The following PHAF1 variants were observed in gnomAD, a reference collection of about 807,000 sequenced individuals.
The protein encoded by PHAF1 is phagophore assembly factor 1, also known as phagosome assembly factor 1.
PHAF1 carries 23 observed loss-of-function variants against 63.1 expected under a neutral mutation model. That is an observed-to-expected ratio of 0.36 (90% CI 0.26 to 0.52). PHAF1 has a LOEUF of 0.52. Among genes scored for constraint, PHAF1 ranks in the 20% least tolerant of loss-of-function variants. The pLI, the probability that PHAF1 is intolerant of heterozygous loss-of-function variation, is 0.93. For synonymous variants in PHAF1, 167 were observed against 185.0 expected (o/e 0.90, Z 0.79); for missense variants, 427 against 517.2 (o/e 0.83, Z 1.69).
intron 3 of PHAF1, among the ~76,000 whole-genome samples, chr16:67,129,221 CT>C (rs1963301996): frequency 2.6e-5 from 4 of 152,268 alleles, no homozygotes; most frequent in Admixed American, 2.0e-4. Flanking sequence ...CCTCCTGGCA[CT>C]TCTTTTCATG....
rs531571223 is a variant in PHAF1 at position 67,147,327 on chromosome 16, G to C, written c.*196G>C. The stretch of plus-strand genomic sequence containing the variant: ...CCAGATATTCTTCTGTCCATCTTTG[G>C]CCTGCTGGTGCCAGCAGGGGACACA... On this transcript the variant is annotated 3_prime_UTR_variant, in exon 16 of 16. Transcript: ENST00000219139. 8 of 558,624 alleles carry C rather than the reference G, an allele frequency of 1.4e-5. No individual in the cohort carries two copies. In the South Asian group the frequency reaches 2.0e-4, roughly 14 times the overall value. 34.6% of individuals were successfully genotyped at this position (558,624 alleles called of 1,614,324 possible).
intron 9 of PHAF1, among the ~76,000 whole-genome samples, 164 bp downstream of exon 9, chr16:67,140,281 T>G (rs567201793): frequency 1.3e-5 from 2 of 152,326 alleles, no homozygotes; most frequent in African/African-American, 4.8e-5. Context: ...TTACCCTGAC[T>G]CTGTCCCTCT....
intron 1 of PHAF1, among the ~76,000 whole-genome samples, chr16:67,112,937 C>T (rs994663913): frequency 6.6e-6 from 1 of 152,156 alleles, no homozygotes; most frequent in Non-Finnish European, 1.5e-5. Context: ...ACCCTGAACA[C>T]GTCCAAACTA....
chr16:67,136,841 A>T (rs1217423976), intron 8 of PHAF1, among the ~76,000 whole-genome samples: 3 of 151,594 alleles, frequency 2.0e-5, no homozygotes, highest in African/African-American at 7.3e-5. Flanking sequence ...TCAGCCTCCC[A>T]AATGGTTCTT....
Position 67,110,185 on chromosome 16 carries a change from C to T in PHAF1, c.10C>T (p.Leu4=). The T allele has an allele frequency of 6.4e-7, 1 of 1,552,614 alleles. No individual in the cohort carries two copies. The highest frequency in any genetic ancestry group is 8.7e-7 in the Non-Finnish European group (1 of 1,147,672). ...CAGGCGAGCCGAACCAATGCTGGACCTGGAGGTAGTGCCCGAACGCTCTCT... is the reference window on the plus strand; with the variant it reads ...CAGGCGAGCCGAACCAATGCTGGACTTGGAGGTAGTGCCCGAACGCTCTCT... MLD[L]EVVPERSLGN... is the part of the protein sequence containing the mutation. Residue 4 remains leucine (L), a synonymous_variant, in exon 1 of 16, where the codon CTG becomes TTG. Transcript: ENST00000219139.
chr16:67,119,713 A>T (rs560439829), intron 1 of PHAF1, among the ~76,000 whole-genome samples: 119 of 139,274 alleles, frequency 8.5e-4, no homozygotes, highest in African/African-American at 3.2e-3. Flanking sequence ...TTTTTAGTAG[A>T]GTCAGAGTTT....
chr16:67,120,646 A>T (rs74519192), intron 2 of PHAF1, among the ~76,000 whole-genome samples: 1 of 151,030 alleles, frequency 6.6e-6, no homozygotes, highest in Non-Finnish European at 1.5e-5. Flanking sequence ...TCACCCCTTT[A>T]TCTCTCTCAA....
intron 10 of PHAF1, among the ~76,000 whole-genome samples, 153 bp from the exon 11 acceptor site, chr16:67,144,141 G>C (rs530620305): frequency 6.6e-6 from 1 of 152,032 alleles, no homozygotes; most frequent in Admixed American, 6.5e-5. Flanking sequence ...TGCTTGGCCT[G>C]TCCCCTGGAC....
At chr16:67,133,407 C>A (rs1045181650) in intron 6 of PHAF1, among the ~76,000 whole-genome samples, 1 of 151,538 alleles carries the variant, frequency 6.6e-6, no homozygotes, top group Non-Finnish European at 1.5e-5. Flanking sequence ...CTAATCCCAG[C>A]ACTTTGGGAG....
At chr16:67,129,989 C>A (rs1482456600) in intron 3 of PHAF1, among the ~76,000 whole-genome samples, 1 of 152,174 alleles carries the variant, frequency 6.6e-6, no homozygotes, top group Non-Finnish European at 1.5e-5. Context: ...ATGGGATAGA[C>A]CTCCCCCTCC....
intron 1 of PHAF1, among the ~76,000 whole-genome samples, chr16:67,113,003 C>G (rs1163073767): frequency 6.6e-6 from 1 of 152,206 alleles, no homozygotes; most frequent in African/African-American, 2.4e-5. Context: ...TTTAGAATTA[C>G]ATGCCTAGGC....
At position 67,147,238 on chromosome 16, in the gene PHAF1, G is replaced by C; in HGVS notation, c.*107G>C. 9.2e-7 allele frequency: 1 copy of C among 1,087,212 alleles called. No homozygotes were observed. Among genetic ancestry groups the C allele is most frequent in the South Asian group, 1.4e-5 (1 of 69,600 alleles). 67.3% of individuals were successfully genotyped at this position (1,087,212 alleles called of 1,614,324 possible). A position where few individuals can be genotyped will look rare whatever the true frequency, so the allele number is the denominator to read the frequency against. On this transcript the variant is annotated 3_prime_UTR_variant, in exon 16 of 16. Transcript: ENST00000219139. ...TTTTCTTGGACACCTGGCCAGTGCT[G>C]AAGGGCTGTTGTGATGTTCTGAGGT...
intron 2 of PHAF1, among the ~76,000 whole-genome samples, chr16:67,122,322 A>G (rs1963012677): frequency 6.6e-6 from 1 of 152,082 alleles, no homozygotes; most frequent in Non-Finnish European, 1.5e-5. Context: ...ATTAGCAAAT[A>G]TGGGTTTGAC....
chr16:67,116,510 C>T (rs1429614316), intron 1 of PHAF1, among the ~76,000 whole-genome samples: 2 of 152,176 alleles, frequency 1.3e-5, no homozygotes, highest in Non-Finnish European at 2.9e-5. Flanking sequence ...TCTCTTGTCA[C>T]CCACTCTACA....
intron 4 of PHAF1, chr16:67,131,970 G>A (rs1292224020): frequency 2.0e-5 from 3 of 152,960 alleles, no homozygotes; most frequent in Non-Finnish European, 4.4e-5. Flanking sequence ...CACCTCCTGG[G>A]TTCAAGCGAT....
At position 67,138,729 on chromosome 16, in the gene PHAF1, A is replaced by G. The variant is rs1963696421; in HGVS notation, c.662-1255A>G. On this transcript the variant is annotated intron_variant, in intron 8 of 15. Coordinates refer to ENST00000219139, the MANE Select transcript of PHAF1 (RefSeq NM_025187.5). ...CCAAAGAATAAACTTTTGGCAAATC[A>G]GAAGGTCTTTTATTCCTCCACTTAG... 4.6e-5 allele frequency among the ~76,000 whole-genome samples: 7 copies of G among 152,356 alleles called. No homozygotes were observed. The South Asian group carries it at 1.4e-3, about 32-fold the overall frequency.
chr16:67,113,861 C>T (rs1423491691), intron 1 of PHAF1, among the ~76,000 whole-genome samples: 1 of 151,596 alleles, frequency 6.6e-6, no homozygotes, highest in Non-Finnish European at 1.5e-5. Flanking sequence ...GGCTTGCGCA[C>T]ACCAGGTAAT....
Position 67,147,226 on chromosome 16 carries a change from C to A in PHAF1, c.*95C>A. 8.3e-7 allele frequency: 1 copy of A among 1,205,704 alleles called. No individual in the cohort carries two copies. 74.7% of individuals were successfully genotyped at this position (1,205,704 alleles called of 1,614,324 possible). A position where few individuals can be genotyped will look rare whatever the true frequency, so the allele number is the denominator to read the frequency against. On this transcript the variant is annotated 3_prime_UTR_variant, in exon 16 of 16. Transcript: ENST00000219139. ...CCACCCTGTGGGTTTTCTTGGACAC[C>A]TGGCCAGTGCTGAAGGGCTGTTGTG...
At chr16:67,113,201 T>C (rs1438924696) in intron 1 of PHAF1, among the ~76,000 whole-genome samples, 1 of 152,226 alleles carries the variant, frequency 6.6e-6, no homozygotes, top group Admixed American at 6.5e-5. Context: ...CCAGGTTTCT[T>C]ATTGGAATCT....
Sources: allele counts gnomAD v4.1 joint callset (sites outside exome capture counted in the v4.1 genomes callset), GRCh38; gene constraint gnomAD v4.1.1; transcripts MANE v1.5; gene names NCBI Gene and HGNC (gene_info 2026-07-23, HGNC 2026-07-21).